BTC: variants seen among roughly 807,000 people sequenced by gnomAD.
BTC encodes betacellulin, also known as probetacellulin.
A neutral mutation model predicts 18.1 loss-of-function variants in BTC; 13 were observed. That is an observed-to-expected ratio of 0.72 (90% confidence interval 0.47 to 1.14). BTC has a LOEUF of 1.14. Ranked by LOEUF, BTC falls within the 50% of genes most tolerant of loss-of-function variation. The pLI, the probability that BTC is intolerant of heterozygous loss-of-function variation, is 0.00. For missense variants in BTC, 247 were observed against 224.2 expected, an observed-to-expected ratio of 1.10 and a Z score of -0.65; for synonymous variants, 83 against 79.4, an observed-to-expected ratio of 1.05 and a Z score of -0.24.
At chr4:74,785,817 G>A (rs1376228179) in intron 1 of BTC, among the ~76,000 whole-genome samples, 1 of 152,050 alleles carries the variant, frequency 6.6e-6, no homozygotes, top group East Asian at 1.9e-4. Flanking sequence ...AGAACCTTGG[G>A]CAAGTTGCTT....
chr4:74,751,217 G>T (rs974073264), intron 3 of BTC, among the ~76,000 whole-genome samples: 8 of 152,114 alleles, frequency 5.3e-5, no homozygotes, highest in Non-Finnish European at 8.8e-5. Context: ...TTCCATAAAC[G>T]TTAGATAGAG....
At chr4:74,776,500 C>T (rs1329348156) in intron 1 of BTC, among the ~76,000 whole-genome samples, 1 of 152,094 alleles carries the variant, frequency 6.6e-6, no homozygotes, top group Non-Finnish European at 1.5e-5. Flanking sequence ...TGAATCAAGG[C>T]TGTATTTATT....
intron 4 of BTC, among the ~76,000 whole-genome samples, chr4:74,749,495 T>TAAATAAAG (rs1391319140): frequency 6.7e-6 from 1 of 149,020 alleles, no homozygotes; most frequent in Non-Finnish European, 1.5e-5. Context: ...AATAAATAAA[T>TAAATAAAG]AAATAAATAA....
At chr4:74,774,599 A>AAAAG (rs1553958476) in intron 1 of BTC, among the ~76,000 whole-genome samples, 76 of 152,194 alleles carry the variant, frequency 5.0e-4, no homozygotes, top group African/African-American at 1.8e-3. Flanking sequence ...TTTAAAAAAA[A>AAAAG]AAAAGGAACA....
intron 3 of BTC, among the ~76,000 whole-genome samples, chr4:74,751,234 TTCCATAAGTGTTATTTC>T (rs1480146706): frequency 6.6e-6 from 1 of 152,212 alleles, no homozygotes; most frequent in Admixed American, 6.5e-5. Context: ...AGAGAGAATG[TTCCATAAGTGTTATTTC>T]TACAGAATTT....
intron 1 of BTC, among the ~76,000 whole-genome samples, chr4:74,784,551 G>T (rs561781630): frequency 6.6e-6 from 1 of 152,054 alleles, no homozygotes; most frequent in Non-Finnish European, 1.5e-5. Context: ...GTATGATACC[G>T]GCTGTGGGTT....
rs796495859 is a variant in BTC at position 74,781,701 on chromosome 4, C to CT, written c.65-11546dup. Among the ~76,000 whole-genome samples the CT allele has an allele frequency of 3.8e-3, 577 of 150,836 alleles. 3 individuals are homozygous for CT. The highest frequency in any genetic ancestry group is 0.013 in the African/African-American group (518 of 40,862). On this transcript the variant is annotated intron_variant, in intron 1 of 5. Coordinates refer to ENST00000395743, the MANE Select transcript of BTC (RefSeq NM_001729.4). ...AATCTACCTCTGTCTTTTTTTTTCA[C>CT]TTTTTTTTGTCATGGTAAAATACAT...
intron 3 of BTC, among the ~76,000 whole-genome samples, chr4:74,755,202 T>G (rs1724566986): frequency 6.6e-6 from 1 of 152,142 alleles, no homozygotes; most frequent in Admixed American, 6.5e-5. Flanking sequence ...GAACTTTAAG[T>G]CAAAATTGCA....
rs547020638 is a variant in BTC, at chr4:74,755,270, A to T, written c.281+589T>A. Among the ~76,000 whole-genome samples the T allele has an allele frequency of 1.4e-4, 22 of 152,326 alleles. No individual in the cohort carries two copies. The South Asian group carries it at 3.3e-3, about 23-fold the overall frequency. ...AGGTCCCAGGAAGCACATTAGTGGG[A>T]TATCTTTTTAGAAGAAAACACATAT... is the stretch of plus-strand genomic sequence containing the variant. On this transcript the variant is annotated intron_variant, in intron 3 of 5. Coordinates refer to ENST00000395743, the MANE Select transcript of BTC (RefSeq NM_001729.4).
At chr4:74,781,698 T>TTC (rs1725336446) in intron 1 of BTC, among the ~76,000 whole-genome samples, 2 of 151,848 alleles carry the variant, frequency 1.3e-5, no homozygotes, top group South Asian at 4.2e-4. Flanking sequence ...TCTTTTTTTT[T>TTC]CACTTTTTTT....
At chr4:74,777,678 T>C (rs997384027) in intron 1 of BTC, among the ~76,000 whole-genome samples, 1 of 152,140 alleles carries the variant, frequency 6.6e-6, no homozygotes, top group Non-Finnish European at 1.5e-5. Context: ...ACCTTCTACA[T>C]ACATAGTTCT....
At chr4:74,753,046 A>G (rs891859695) in intron 3 of BTC, among the ~76,000 whole-genome samples, 1 of 152,240 alleles carries the variant, frequency 6.6e-6, no homozygotes, top group Non-Finnish European at 1.5e-5. Context: ...AACCAATAAC[A>G]TATCAGCTGG....
At chr4:74,775,034 C>G (rs1350800692) in intron 1 of BTC, among the ~76,000 whole-genome samples, 6 of 152,060 alleles carry the variant, frequency 3.9e-5, no homozygotes, top group Admixed American at 3.9e-4. Context: ...GGATAACTGT[C>G]TGGATTGTGG....
chr4:74,778,858 A>G (rs1275715743), intron 1 of BTC, among the ~76,000 whole-genome samples: 1 of 152,130 alleles, frequency 6.6e-6, no homozygotes, highest in Non-Finnish European at 1.5e-5. Flanking sequence ...GGAGGTGCAC[A>G]ATATTTGTGT....
intron 2 of BTC, among the ~76,000 whole-genome samples, chr4:74,769,764 G>T (rs1439437381): frequency 6.6e-6 from 1 of 152,180 alleles, no homozygotes; most frequent in African/African-American, 2.4e-5. Flanking sequence ...TATAGTGGCT[G>T]ACTGGAGGCT....
intron 2 of BTC, among the ~76,000 whole-genome samples, chr4:74,759,310 T>C (rs1328387454): frequency 3.3e-5 from 5 of 152,198 alleles, no homozygotes; most frequent in Non-Finnish European, 7.4e-5. Flanking sequence ...AATGTAGCAA[T>C]GTAGCAACCA....
At chr4:74,762,044 T>C (rs1724770889) in intron 2 of BTC, among the ~76,000 whole-genome samples, 1 of 152,186 alleles carries the variant, frequency 6.6e-6, no homozygotes, top group South Asian at 2.1e-4. Flanking sequence ...TAGGTGCTCA[T>C]AAATATTAGT....
rs376806249 is a variant in BTC, at chr4:74,748,142, G to A, written c.436C>T (p.Arg146Trp). 1.6e-5 allele frequency: 26 copies of A among 1,603,618 alleles called. No homozygotes were observed. The African/African-American group carries it at 1.9e-4, about 12-fold the overall frequency. Residue 146 changes from arginine to tryptophan, a missense_variant, in exon 5 of 6, where the codon CGG (arginine) becomes TGG (tryptophan). Coordinates refer to ENST00000395743, the MANE Select transcript of BTC (RefSeq NM_001729.4). The stretch of plus-strand genomic sequence containing the variant: ...TTCTTCTTTCTTTTACGACGTTTCC[G>A]AAGAGGGCTTGGAAAATACGTGTTA... ...IGVCTCCHPLRKRRKRKKKEE... is the reference protein window; with the variant it reads ...IGVCTCCHPLWKRRKRKKKEE...
chr4:74,758,254 G>A (rs1485423858), intron 2 of BTC, among the ~76,000 whole-genome samples: 1 of 152,224 alleles, frequency 6.6e-6, no homozygotes, highest in African/African-American at 2.4e-5. Flanking sequence ...GATATCAGTA[G>A]GCTGAAGTGT....
Sources: allele counts gnomAD v4.1 joint callset (sites outside exome capture counted in the v4.1 genomes callset), GRCh38; gene constraint gnomAD v4.1.1; transcripts MANE v1.5; gene names NCBI Gene and HGNC (gene_info 2026-07-23, HGNC 2026-07-21).